Variants in SPMAP2L observed in about 807,000 individuals in gnomAD.
SPMAP2L encodes the protein sperm microtubule associated protein 2 like.
chr4:56,622,372 A>G, the SPMAP2L span, among the ~76,000 whole-genome samples: 11 of 152,372 alleles, frequency 7.2e-5, no homozygotes, highest in African/African-American at 2.6e-4. Context: ...ACCCATTGCC[A>G]AAATAAACTT....
At chr4:56,595,385 C>T in the SPMAP2L span, 22 of 1,603,220 alleles carry the variant, frequency 1.4e-5, no homozygotes, top group South Asian at 2.0e-4. Flanking sequence ...CCCACTGAGT[C>T]GGAGGACAAG....
chr4:56,566,446 C>CT, the SPMAP2L span, among the ~76,000 whole-genome samples: 5 of 152,166 alleles, frequency 3.3e-5, no homozygotes, highest in Non-Finnish European at 4.4e-5. Context: ...ATCCACCTGC[C>CT]TTGGCCTCCC....
the SPMAP2L span, among the ~76,000 whole-genome samples, chr4:56,547,101 C>T: frequency 6.6e-6 from 1 of 152,170 alleles, no homozygotes; most frequent in Admixed American, 6.5e-5. Flanking sequence ...GTGTTTCCTA[C>T]AGTGCTCTAT....
chr4:56,559,510 G>T, the SPMAP2L span: 1 of 1,518,118 alleles, frequency 6.6e-7, no homozygotes, highest in East Asian at 2.5e-5. Context: ...CTGCCACTAT[G>T]TACCTAACAG....
chr4:56,530,685 C>G, the SPMAP2L span: 8 of 1,534,440 alleles, frequency 5.2e-6, no homozygotes, highest in Non-Finnish European at 7.0e-6. Flanking sequence ...GAATGGAGAA[C>G]CAAGAGTTTC....
At chr4:56,543,923 T>A in the SPMAP2L span, among the ~76,000 whole-genome samples, 2 of 119,444 alleles carry the variant, frequency 1.7e-5, no homozygotes, top group African/African-American at 6.8e-5. Context: ...TGTGTGTGTG[T>A]GTATGTGAGA....
the SPMAP2L span, among the ~76,000 whole-genome samples, chr4:56,553,997 GTT>G: frequency 1.4e-3 from 206 of 148,062 alleles, 1 homozygote; most frequent in Middle Eastern, 0.011. Context: ...CTTCCTTTAT[GTT>G]TTTTTTTTTG....
the SPMAP2L span, among the ~76,000 whole-genome samples, chr4:56,612,379 T>C: frequency 6.6e-6 from 1 of 152,184 alleles, no homozygotes; most frequent in African/African-American, 2.4e-5. Context: ...TCTCACTCTG[T>C]TGCCCAGGCT....
the SPMAP2L span, among the ~76,000 whole-genome samples, chr4:56,566,695 C>CTTTTTTTTT: frequency 1.2e-4 from 11 of 92,430 alleles, no homozygotes; most frequent in Admixed American, 1.5e-4. Flanking sequence ...TTTTCTTTTT[C>CTTTTTTTTT]TTTTTTTTTT....
At chr4:56,550,878 A>C in the SPMAP2L span, among the ~76,000 whole-genome samples, 1 of 152,002 alleles carries the variant, frequency 6.6e-6, no homozygotes, top group Admixed American at 6.6e-5. Context: ...GAGTTTGGGT[A>C]GTAGTTCGAG....
At chr4:56,599,265 C>T in the SPMAP2L span, among the ~76,000 whole-genome samples, 1 of 152,222 alleles carries the variant, frequency 6.6e-6, no homozygotes, top group East Asian at 1.9e-4. Context: ...TTATTGTAGC[C>T]TCAACCTCCC....
At chr4:56,593,305 A>G in the SPMAP2L span, 6 of 1,179,218 alleles carry the variant, frequency 5.1e-6, no homozygotes, top group East Asian at 2.3e-5. Context: ...CAAGAGGAGG[A>G]AATTTTTTGT....
chr4:56,606,744 G>C, the SPMAP2L span, among the ~76,000 whole-genome samples: 1 of 152,280 alleles, frequency 6.6e-6, no homozygotes, highest in East Asian at 1.9e-4. Flanking sequence ...TGGAGGACAG[G>C]TTAAGGATTT....
At chr4:56,586,739 A>T in the SPMAP2L span, among the ~76,000 whole-genome samples, 1 of 152,176 alleles carries the variant, frequency 6.6e-6, no homozygotes, top group Non-Finnish European at 1.5e-5. Context: ...ATTTTGAGAG[A>T]ACAGGTGGAA....
chr4:56,625,270 A>G, the SPMAP2L span, among the ~76,000 whole-genome samples: 3 of 152,184 alleles, frequency 2.0e-5, no homozygotes, highest in Non-Finnish European at 1.5e-5. Flanking sequence ...CTAGGAAGTA[A>G]CTAGCTTGCT....
the SPMAP2L span, among the ~76,000 whole-genome samples, chr4:56,542,629 A>G: frequency 1.3e-5 from 2 of 152,124 alleles, no homozygotes; most frequent in Non-Finnish European, 2.9e-5. Flanking sequence ...AAAATATCCC[A>G]TATTGCAGAT....
chr4:56,601,826 G>A, the SPMAP2L span, among the ~76,000 whole-genome samples: 1 of 152,080 alleles, frequency 6.6e-6, no homozygotes, highest in Non-Finnish European at 1.5e-5. Context: ...TATGTGTATG[G>A]AATTATTTAT....
chr4:56,535,576 C>T, the SPMAP2L span, among the ~76,000 whole-genome samples: 6 of 152,176 alleles, frequency 3.9e-5, no homozygotes, highest in Admixed American at 2.6e-4. Flanking sequence ...ATTGCTCACT[C>T]GGGGAGCTCA....
chr4:56,566,576 T>C, the SPMAP2L span, among the ~76,000 whole-genome samples: 1 of 152,150 alleles, frequency 6.6e-6, no homozygotes, highest in African/African-American at 2.4e-5. Flanking sequence ...TAACTTTGTT[T>C]TTTAGTTTTA....
Sources: gnomAD v4.1 joint callset for allele counts (sites outside exome capture counted in the v4.1 genomes callset) on GRCh38, gnomAD v4.1.1 for gene constraint, MANE v1.5 for transcripts, NCBI Gene and HGNC (gene_info 2026-07-23, HGNC 2026-07-21) for gene names.